Variants in CLN8 observed in about 807,000 individuals in gnomAD.
CLN8 encodes CLN8 transmembrane ER and ERGIC protein, also known as protein CLN8.
CLN8 carries 14 observed loss-of-function variants against 15.7 expected under a neutral mutation model. The observed-to-expected ratio is 0.89, with a 90% CI of 0.59 to 1.39. The LOEUF (loss-of-function observed/expected upper bound fraction) is 1.39. CLN8 is among the 40% of genes most tolerant of loss of function. The pLI is 0.00. For missense variants in CLN8, 415 were observed against 364.0 expected (o/e 1.14, Z -1.14); for synonymous variants, 188 against 151.0 (o/e 1.25, Z -1.80).
At chr8:1,764,325 G>A (rs1800951157) in intron 1 of CLN8, 1 of 152,216 alleles carries the variant, frequency 6.6e-6, no homozygotes, top group Non-Finnish European at 1.5e-5. Context: ...TGGAGTCCTT[G>A]AGCGGCGCGG....
chr8:1,756,340 C>T (rs7463879), intron 1 of CLN8, among the ~76,000 whole-genome samples: 105,070 of 151,810 alleles, frequency 0.69, 36,471 homozygotes, highest in South Asian at 0.77. Context: ...AAAAATTAGC[C>T]GGGTGTAGTG....
chr8:1,755,634 G>A (rs138228915), upstream of CLN8: 1 of 152,358 alleles, frequency 6.6e-6, no homozygotes, highest in East Asian at 1.9e-4. Flanking sequence ...GCTGGGGGTT[G>A]GACGCACCAC....
intron 2 of CLN8, among the ~76,000 whole-genome samples, chr8:1,775,368 G>C (rs1232637592): frequency 2.0e-5 from 3 of 152,148 alleles, no homozygotes; most frequent in East Asian, 3.9e-4. Context: ...TACTGAGGGT[G>C]ACTGTATATT....
At chr8:1,759,825 T>C (rs938402613), upstream of CLN8, 5 of 152,240 alleles carry the variant, frequency 3.3e-5, no homozygotes, top group African/African-American at 4.8e-5. Flanking sequence ...TATTGCTCAC[T>C]GGTGAAGGAC....
chr8:1,760,986 C>T (rs943762702), upstream of CLN8, among the ~76,000 whole-genome samples: 2 of 143,530 alleles, frequency 1.4e-5, no homozygotes, highest in South Asian at 2.3e-4. Context: ...CAGTGCGTAA[C>T]TACATCTAAG....
intron 2 of CLN8, among the ~76,000 whole-genome samples, chr8:1,776,805 C>G (rs945910888): frequency 3.9e-5 from 6 of 152,206 alleles, no homozygotes; most frequent in African/African-American, 1.4e-4. Context: ...CTTGGATTGT[C>G]TTAGCCACGC....
intron 2 of CLN8, among the ~76,000 whole-genome samples, chr8:1,775,478 CT>C (rs1360192676): frequency 6.6e-6 from 1 of 152,188 alleles, no homozygotes; most frequent in African/African-American, 2.4e-5. Context: ...CCTTTGGTGA[CT>C]TTGACTACAA....
In CLN8 at chr8:1,781,507, G is replaced by T. The variant is rs571744333; in HGVS notation, c.*940G>T. ...GAGTTTAACCCCCACCAACCAGAGC[G>T]TGGGCTGGTAAAGATGAAATCTTGC... On this transcript the variant is annotated 3_prime_UTR_variant, in exon 3 of 3. Coordinates refer to ENST00000331222, the MANE Select transcript of CLN8 (RefSeq NM_018941.4). 2.4e-4 allele frequency: 36 copies of T among 152,124 alleles called. No homozygotes were observed. The highest frequency in any genetic ancestry group is 8.2e-4 in the African/African-American group (34 of 41,494). The allele number at this position is 152,124 out of a possible 1,614,324, so 9.4% of individuals were successfully genotyped here.
chr8:1,767,642 G>C (rs1388353323), intron 1 of CLN8, among the ~76,000 whole-genome samples: 4 of 124,956 alleles, frequency 3.2e-5, no homozygotes, highest in Admixed American at 1.0e-4. Flanking sequence ...CGCAATCTCA[G>C]CTCACTGCCA....
At chr8:1,753,322 G>A (rs1350073312), upstream of CLN8, among the ~76,000 whole-genome samples, 2 of 151,658 alleles carry the variant, frequency 1.3e-5, no homozygotes, top group Admixed American at 1.3e-4. Flanking sequence ...TGTAATCCCA[G>A]CACTTTGGGA....
At chr8:1,778,506 TG>T (rs1416645150) in intron 2 of CLN8, among the ~76,000 whole-genome samples, 3 of 152,248 alleles carry the variant, frequency 2.0e-5, no homozygotes, top group Non-Finnish European at 4.4e-5. Flanking sequence ...GAGTGTTCAC[TG>T]TGCCTCAGCA....
chr8:1,758,054 A>G (rs1053909316), intron 1 of CLN8, among the ~76,000 whole-genome samples: 2 of 151,908 alleles, frequency 1.3e-5, no homozygotes, highest in African/African-American at 4.8e-5. Context: ...GAGATCACCA[A>G]GACAGCATCA....
At position 1,769,875 on chromosome 8, in the gene CLN8, G is replaced by A. The variant is rs141143225; in HGVS notation, c.-123-1057G>A. On this transcript the variant is annotated intron_variant, in intron 1 of 2. Transcript: ENST00000331222. Reference sequence around the variant, plus strand: ...CTGTGATGGAAGGCAGGTGTGGTCTGTGCCCTCACAGAGCTTGCTGTCCAG... The same window carrying A: ...CTGTGATGGAAGGCAGGTGTGGTCTATGCCCTCACAGAGCTTGCTGTCCAG... Among the ~76,000 whole-genome samples, 220 of 152,326 alleles carry A rather than the reference G, an allele frequency of 1.4e-3. 1 individual carries two copies. Among genetic ancestry groups the A allele is most frequent in the African/African-American group, 5.1e-3 (214 of 41,568 alleles).
chr8:1,756,438 C>A lies in CLN8; in HGVS notation c.-124+356C>A, dbSNP rs111739251. On this transcript the variant is annotated intron_variant, in intron 1 of 1. Transcript: ENST00000524258. The stretch of plus-strand genomic sequence containing the variant: ...GGCAGAGGTTGCAGTGAGCCGAGAC[C>A]GCACCATTTCACTCCAGCTTGGGTG... Among the ~76,000 whole-genome samples the A allele has an allele frequency of 4.2e-3, 625 of 150,228 alleles. 3 individuals carry two copies. The highest frequency in any genetic ancestry group is 0.015 in the African/African-American group (601 of 40,782).
chr8:1,780,303 CAT>C lies in CLN8; in HGVS notation c.598_599del (p.Met200ValfsTer46). 2 of 1,614,256 alleles carry C rather than the reference CAT, an allele frequency of 1.2e-6. No homozygotes were observed. Among genetic ancestry groups the C allele is most frequent in the Non-Finnish European group, 1.7e-6 (2 of 1,180,048 alleles). ...AGCTCAACCAGTGGCTGATGATTCA[CAT>C]GTTTCACTGCCGCATGGTTCTAACC... ...WKLNQWLMIH[M>X]FHCRMVLTYH... is the part of the protein sequence containing the mutation. On this transcript the variant is annotated frameshift_variant, in exon 3 of 3. Transcript: ENST00000331222. LOFTEE classifies it high-confidence loss of function.
chr8:1,771,396 T>C lies in CLN8; in HGVS notation c.342T>C (p.Phe114=), dbSNP rs1010847109. 1 of 1,614,228 alleles carries C rather than the reference T, an allele frequency of 6.2e-7. No individual in the cohort carries two copies. The highest frequency in any genetic ancestry group is 8.5e-7 in the Non-Finnish European group (1 of 1,180,028). ...ACATCACGACAGCAACGGGATTCTT[T>C]TGCTTTGAAAATGTTGCAGTCCACC... ...WFHITTATGF[F]CFENVAVHLS... Residue 114 remains phenylalanine, a synonymous_variant, in exon 2 of 3, where the codon TTT becomes TTC. Coordinates refer to ENST00000331222, the MANE Select transcript of CLN8 (RefSeq NM_018941.4).
chr8:1,771,890 C>T (rs1585139021), intron 2 of CLN8, among the ~76,000 whole-genome samples: 1 of 151,748 alleles, frequency 6.6e-6, no homozygotes, highest in Non-Finnish European at 1.5e-5. Flanking sequence ...CAGTAGATAG[C>T]GTCTGGAAGC....
intron 1 of CLN8, among the ~76,000 whole-genome samples, chr8:1,768,159 G>C (rs1248931162): frequency 6.6e-6 from 1 of 151,612 alleles, no homozygotes; most frequent in African/African-American, 2.4e-5. Context: ...GGCCAGGTTG[G>C]TCTTGAACTC....
At chr8:1,762,838 G>C (rs762572574), upstream of CLN8, 18 of 152,264 alleles carry the variant, frequency 1.2e-4, no homozygotes, top group Admixed American at 8.5e-4. Context: ...TCCCAGTGCA[G>C]ATGCTCTGTA....
Sources: gnomAD v4.1 joint callset for allele counts (sites outside exome capture counted in the v4.1 genomes callset) on GRCh38, gnomAD v4.1.1 for gene constraint, MANE v1.5 for transcripts, NCBI Gene and HGNC (gene_info 2026-07-23, HGNC 2026-07-21) for gene names.